The following ATP8B1 variants were observed in gnomAD, a reference collection of about 807,000 sequenced individuals.
The protein encoded by ATP8B1 is phospholipid-transporting ATPase IC.
Under a neutral mutation model 149.9 loss-of-function variants are expected in ATP8B1, and 80 were observed. That is an observed-to-expected ratio of 0.53 (90% CI 0.45 to 0.64). ATP8B1 has a LOEUF of 0.64. ATP8B1 is among the 30% of genes least tolerant of loss of function. The pLI is 0.00. For missense variants in ATP8B1, 1,247 were observed against 1,552.6 expected, an observed-to-expected ratio of 0.80 and a Z score of 3.31; for synonymous variants, 536 against 562.8, an observed-to-expected ratio of 0.95 and a Z score of 0.67.
intron 12 of ATP8B1, chr18:57,688,722 C>T (rs1912383979): frequency 1.6e-5 from 9 of 574,902 alleles, no homozygotes; most frequent in Non-Finnish European, 2.5e-5. Flanking sequence ...CATGAGGGCT[C>T]CACCCTTATG....
intron 1 of ATP8B1, among the ~76,000 whole-genome samples, chr18:57,769,554 T>C (rs1401011515): frequency 6.6e-6 from 1 of 152,170 alleles, no homozygotes; most frequent in Non-Finnish European, 1.5e-5. Context: ...ATTAAGCCAG[T>C]AGGCAACTGG....
chr18:57,689,342 C>G (rs1345288503), intron 12 of ATP8B1, among the ~76,000 whole-genome samples: 1 of 152,106 alleles, frequency 6.6e-6, no homozygotes, highest in Admixed American at 6.6e-5. Flanking sequence ...GCAAATACCC[C>G]AAATCATGAT....
chr18:57,655,645 G>C (rs573231321), intron 22 of ATP8B1, among the ~76,000 whole-genome samples: 2 of 152,280 alleles, frequency 1.3e-5, no homozygotes, highest in South Asian at 4.1e-4. Flanking sequence ...ATAAATATCT[G>C]GGAAAGGATC....
chr18:57,768,926 T>C (rs1481039081), intron 1 of ATP8B1, among the ~76,000 whole-genome samples: 2 of 152,212 alleles, frequency 1.3e-5, no homozygotes, highest in Non-Finnish European at 2.9e-5. Context: ...GAGATGTTCT[T>C]GTTTTCCCAG....
chr18:57,719,924 G>C (rs1255887422), intron 2 of ATP8B1, among the ~76,000 whole-genome samples: 6 of 152,210 alleles, frequency 3.9e-5, no homozygotes, highest in African/African-American at 1.4e-4. Context: ...GCCTCTTCAA[G>C]TGGGTCCCTG....
Position 57,672,914 on chromosome 18 carries a change from AT to A in ATP8B1, c.1820-1335del, listed in dbSNP as rs74175846. 7.7e-3 allele frequency among the ~76,000 whole-genome samples: 587 copies of A among 76,264 alleles called. 18 individuals carry two copies. Among genetic ancestry groups the A allele is most frequent in the South Asian group, 0.043 (87 of 2,004 alleles). 50.0% of individuals were successfully genotyped at this position (76,264 alleles called of 152,430 possible). On this transcript the variant is annotated intron_variant, in intron 16 of 27. Transcript: ENST00000648908. Reference sequence around the variant, plus strand: ...TATATATATATATATATATATATATATATATATATATATATATAACATGTAT... The same window carrying A: ...TATATATATATATATATATATATATAATATATATATATATATAACATGTAT...
chr18:57,669,603 A>T (rs1341365070), intron 17 of ATP8B1, 121 bp from the exon 18 acceptor site: 1 of 949,068 alleles, frequency 1.1e-6, no homozygotes, highest in Admixed American at 2.4e-5. Flanking sequence ...AGAGATCATT[A>T]AACATGACAG....
In ATP8B1 at chr18:57,697,800, C is replaced by T; in HGVS notation, c.622G>A (p.Val208Ile). 6.2e-7 allele frequency: 1 copy of T among 1,613,824 alleles called. No individual in the cohort carries two copies. Among genetic ancestry groups the T allele is most frequent in the Non-Finnish European group, 8.5e-7 (1 of 1,179,882 alleles). Reference sequence around the variant, plus strand: ...AGCAGAATTTGTTCACTTACTGGAACAAAATCATTTTTTTTCAGACGAATG... The same window carrying T: ...AGCAGAATTTGTTCACTTACTGGAATAAAATCATTTTTTTTCAGACGAATG... ...DVIRLKKNDF[V>I]PADILLLSSS... The change falls in exon 7 of 28, where the codon GTT becomes ATT. Residue 208 changes from valine (V) to isoleucine (I), a missense_variant. Transcript: ENST00000648908.
intron 1 of ATP8B1, among the ~76,000 whole-genome samples, chr18:57,792,676 A>C (rs1004808056): frequency 6.6e-6 from 1 of 152,180 alleles, no homozygotes; most frequent in African/African-American, 2.4e-5. Flanking sequence ...GATTGTGGCA[A>C]CAGTTGCACA....
intron 22 of ATP8B1, among the ~76,000 whole-genome samples, chr18:57,658,239 G>C (rs2122615452): frequency 6.6e-6 from 1 of 152,188 alleles, no homozygotes; most frequent in East Asian, 1.9e-4. Flanking sequence ...TAGTGGAGAT[G>C]GGGTTTCATC....
chr18:57,733,219 A>G (rs561437832), intron 1 of ATP8B1, among the ~76,000 whole-genome samples: 1 of 152,308 alleles, frequency 6.6e-6, no homozygotes, highest in East Asian at 1.9e-4. Flanking sequence ...TGTAGTCAGT[A>G]TTGTTAATGA....
rs1129621 is a variant in ATP8B1 at position 57,646,551 on chromosome 18, A to T, written c.*1937T>A. Reference sequence around the variant, plus strand: ...TTTATCCAAAGAAATTTGCATTTAAAATTGTTAATATTGCACCCAACAGTA... The same window carrying T: ...TTTATCCAAAGAAATTTGCATTTAATATTGTTAATATTGCACCCAACAGTA... On this transcript the variant is annotated 3_prime_UTR_variant, in exon 28 of 28. Coordinates refer to ENST00000648908, the MANE Select transcript of ATP8B1 (RefSeq NM_001374385.1). The T allele has an allele frequency of 0.21, 31,334 of 152,620 alleles. 3,915 individuals are homozygous for T. Among genetic ancestry groups the T allele is most frequent in the Middle Eastern group, 0.28 (82 of 294 alleles). 9.5% of individuals were successfully genotyped at this position (152,620 alleles called of 1,614,324 possible).
rs1216581835 is a variant in ATP8B1, at chr18:57,647,088, G to A, written c.*1400C>T. On this transcript the variant is annotated 3_prime_UTR_variant, in exon 28 of 28. Coordinates refer to ENST00000648908, the MANE Select transcript of ATP8B1 (RefSeq NM_001374385.1). ...GAAAAAGAGTGAGGTCTTTGTTCAA[G>A]TCCCTGATAAAATACTTTGCATATA... 6.6e-6 allele frequency: 1 copy of A among 152,156 alleles called. No homozygotes were observed. The highest frequency in any genetic ancestry group is 1.5e-5 in the Non-Finnish European group (1 of 68,022). 9.4% of individuals were successfully genotyped at this position (152,156 alleles called of 1,614,324 possible).
At chr18:57,770,303 C>A (rs556207426) in intron 1 of ATP8B1, among the ~76,000 whole-genome samples, 3 of 152,300 alleles carry the variant, frequency 2.0e-5, no homozygotes, top group African/African-American at 7.2e-5. Context: ...AGGTGCCCAC[C>A]CACCCCAGCT....
At chr18:57,669,075 A>G in intron 18 of ATP8B1, 1 of 343,660 alleles carries the variant, frequency 2.9e-6, no homozygotes, top group Non-Finnish European at 5.2e-6. Flanking sequence ...AGTGATATAC[A>G]AATTATGGAA....
rs1468091387 is a variant in ATP8B1, at chr18:57,647,124, A to C, written c.*1364T>G. 1 of 152,246 alleles carries C rather than the reference A, an allele frequency of 6.6e-6. No homozygotes were observed. The highest frequency in any genetic ancestry group is 1.5e-5 in the Non-Finnish European group (1 of 68,044). The allele number at this position is 152,246 out of a possible 1,614,324, so 9.4% of individuals were successfully genotyped here. A position where few individuals can be genotyped will look rare whatever the true frequency, so the allele number is the denominator to read the frequency against. ...AATACTTTGCATATAGGCAGGCACAAAAGTTTGCTTTCCAAAAGAAAGCTT... is the reference window on the plus strand; with the variant it reads ...AATACTTTGCATATAGGCAGGCACACAAGTTTGCTTTCCAAAAGAAAGCTT... On this transcript the variant is annotated 3_prime_UTR_variant, in exon 28 of 28. Transcript: ENST00000648908.
chr18:57,668,872 G>A (rs1911060988), intron 18 of ATP8B1: 1 of 257,190 alleles, frequency 3.9e-6, no homozygotes, highest in African/African-American at 2.3e-5. Context: ...TGCAATACTA[G>A]CTATTTGTTG....
chr18:57,764,032 C>T (rs1599210668), intron 1 of ATP8B1, among the ~76,000 whole-genome samples: 1 of 152,218 alleles, frequency 6.6e-6, no homozygotes, highest in Non-Finnish European at 1.5e-5. Context: ...CGAAGGCCAT[C>T]GTGAACAAAG....
In ATP8B1 at chr18:57,696,273, G is replaced by C. The variant is rs895331971; in HGVS notation, c.699-741C>G. Among the ~76,000 whole-genome samples the C allele has an allele frequency of 1.3e-5, 2 of 152,184 alleles. 1 individual carries two copies. Among genetic ancestry groups the C allele is most frequent in the South Asian group, 4.1e-4 (2 of 4,836 alleles). ...GCAGTTTTATAGTTGAGAATAAACA[G>C]TCGGGCGCCGCGGCTCACGCATGTA... On this transcript the variant is annotated intron_variant, in intron 8 of 27. Transcript: ENST00000648908.
Sources: allele counts gnomAD v4.1 joint callset (sites outside exome capture counted in the v4.1 genomes callset), GRCh38; gene constraint gnomAD v4.1.1; transcripts MANE v1.5; gene names NCBI Gene and HGNC (gene_info 2026-07-23, HGNC 2026-07-21).